The following SNED1 variants were observed in gnomAD, a reference collection of about 807,000 sequenced individuals.
SNED1 encodes sushi, nidogen and EGF-like domain-containing protein 1.
In SNED1, 81 loss-of-function variants were observed where a neutral mutation model predicts 166.7. That is an observed-to-expected ratio of 0.49 (90% CI 0.41 to 0.58). The LOEUF (loss-of-function observed/expected upper bound fraction) is 0.58. SNED1 is among the 20% of genes least tolerant of loss of function. The probability of loss-of-function intolerance (pLI) is 0.00; values close to 1 mark genes in which losing one functional copy is unlikely to be tolerated. For synonymous variants in SNED1, 762 were observed against 822.0 expected, an observed-to-expected ratio of 0.93 and a Z score of 1.25; for missense variants, 1,604 against 2,000.2, an observed-to-expected ratio of 0.80 and a Z score of 3.78.
At chr2:241,009,837 C>T (rs189996486) in intron 1 of SNED1, among the ~76,000 whole-genome samples, 170 of 152,204 alleles carry the variant, frequency 1.1e-3, no homozygotes, top group Middle Eastern at 6.8e-3. Context: ...TGTGTTTCCC[C>T]GGAGGCCTAG....
At chr2:241,003,042 G>A (rs1678227781) in intron 1 of SNED1, among the ~76,000 whole-genome samples, 1 of 151,954 alleles carries the variant, frequency 6.6e-6, no homozygotes, top group Non-Finnish European at 1.5e-5. Flanking sequence ...AGTGACCAAG[G>A]GAGCCATACA....
intron 30 of SNED1, chr2:241,088,156 C>G (rs1343237481): frequency 3.6e-6 from 2 of 556,590 alleles, no homozygotes; most frequent in Non-Finnish European, 6.4e-6. Flanking sequence ...CTAGCCTTGT[C>G]ATTCCTAAAC....
intron 8 of SNED1, among the ~76,000 whole-genome samples, chr2:241,047,434 T>C (rs1327627522): frequency 1.3e-5 from 2 of 152,164 alleles, no homozygotes; most frequent in African/African-American, 4.8e-5. Flanking sequence ...CAGTGGTTCA[T>C]AGAACATGTA....
At chr2:241,007,341 G>A (rs1252258838) in intron 1 of SNED1, among the ~76,000 whole-genome samples, 2 of 152,228 alleles carry the variant, frequency 1.3e-5, no homozygotes, top group Non-Finnish European at 2.9e-5. Context: ...GAAACTTGGT[G>A]CATTCATTCA....
In SNED1 at chr2:241,067,797, A is replaced by T; in HGVS notation, c.3044A>T (p.Asn1015Ile). Residue 1015 changes from asparagine (N) to isoleucine (I), a missense_variant, in exon 22 of 32, where the codon AAT (asparagine) becomes ATT (isoleucine). Asn to Ile is a moderately radical substitution (Grantham distance 149). Coordinates refer to ENST00000310397, the MANE Select transcript of SNED1 (RefSeq NM_001080437.3). ...CCTGTGGAAGGCTTCGAGGTCACCAATGTGACGGCTAGCACCATCTCAGTG... is the reference window on the plus strand; with the variant it reads ...CCTGTGGAAGGCTTCGAGGTCACCATTGTGACGGCTAGCACCATCTCAGTG... ...PRPVEGFEVT[N>I]VTASTISVQW... 1 of 1,611,996 alleles carries T rather than the reference A, an allele frequency of 6.2e-7. No individual in the cohort carries two copies. The highest frequency in any genetic ancestry group is 1.3e-5 in the African/African-American group (1 of 74,994).
intron 27 of SNED1, among the ~76,000 whole-genome samples, chr2:241,079,714 TATC>T (rs950691746): frequency 6.6e-6 from 1 of 152,172 alleles, no homozygotes; most frequent in Non-Finnish European, 1.5e-5. Context: ...TAAACCTAGT[TATC>T]ATGTGGATGG....
At position 241,069,840 on chromosome 2, in the gene SNED1, A is replaced by C. The variant is rs540760671; in HGVS notation, c.3308-80A>C. The C allele has an allele frequency of 6.6e-7, 1 of 1,507,848 alleles. No homozygotes were observed. 93.4% of individuals were successfully genotyped at this position (1,507,848 alleles called of 1,614,324 possible). On this transcript the variant is annotated intron_variant, in intron 23 of 31. Coordinates refer to ENST00000310397, the MANE Select transcript of SNED1 (RefSeq NM_001080437.3). The surrounding 1 kb of genome is among the most constrained non-coding windows in gnomAD (Gnocchi z 4.9). The stretch of plus-strand genomic sequence containing the variant: ...GCTTCCAGCAAGGCTGCGGCAGCCC[A>C]TGTCCGGTTCTCAAACCGTGTTCTT...
chr2:241,035,600 C>A (rs1010729792), intron 4 of SNED1: 2 of 152,338 alleles, frequency 1.3e-5, no homozygotes, highest in Non-Finnish European at 1.5e-5. Context: ...CGCCTCCCAG[C>A]CGCGAGCATC....
At position 240,998,963 on chromosome 2, in the gene SNED1, C is replaced by T; in HGVS notation, c.126C>T (p.Val42=). 3.8e-6 allele frequency: 5 copies of T among 1,310,182 alleles called. No homozygotes were observed. Among genetic ancestry groups the T allele is most frequent in the East Asian group, 3.3e-5 (1 of 30,102 alleles). 81.2% of individuals were successfully genotyped at this position (1,310,182 alleles called of 1,614,324 possible). ...YPFGAERGDA[V]TPKQDDGGSG... is the part of the protein sequence containing the mutation. ...TCGGCGCCGAGCGCGGCGACGCCGTCACCCCCAAGCAGGACGACGGCGGCT... is the reference window on the plus strand; with the variant it reads ...TCGGCGCCGAGCGCGGCGACGCCGTTACCCCCAAGCAGGACGACGGCGGCT... Residue 42 remains valine (V), a synonymous_variant, in exon 1 of 32, where the codon GTC becomes GTT. Coordinates refer to ENST00000310397, the MANE Select transcript of SNED1 (RefSeq NM_001080437.3).
At position 241,064,123 on chromosome 2, in the gene SNED1, C is replaced by G. The variant is rs1001844683; in HGVS notation, c.2597C>G (p.Thr866Arg). ...AGCTTCTTCGGCTACCACTGCGAGA[C>G]AGGTAGGGCGGCAGGCCTGCCTGCT... Reference protein sequence around the residue: ...PESFFGYHCETVSDPCFSSPC... With the variant: ...PESFFGYHCERVSDPCFSSPC... The change falls in exon 19 of 32, where the codon ACA (threonine) becomes AGA (arginine). Residue 866 changes from threonine (T) to arginine (R), a missense_variant and splice_region_variant. Thr to Arg is a moderately conservative substitution (Grantham distance 71, BLOSUM62 -1). This residue lies in a region of SNED1 where 1,237 missense variants were observed against 1,620.8 expected (regional missense o/e 0.76). Coordinates refer to ENST00000310397, the MANE Select transcript of SNED1 (RefSeq NM_001080437.3). The surrounding 1 kb of genome is among the most constrained non-coding windows in gnomAD (Gnocchi z 7.0). 1 of 1,552,356 alleles carries G rather than the reference C, an allele frequency of 6.4e-7. No homozygotes were observed.
chr2:241,023,193 A>G (rs2060821155), intron 1 of SNED1, among the ~76,000 whole-genome samples: 1 of 152,008 alleles, frequency 6.6e-6, no homozygotes, highest in Non-Finnish European at 1.5e-5. Context: ...TTTACTATAT[A>G]TAGATACTAA....
rs139009860 is a variant in SNED1 at position 241,031,015 on chromosome 2, C to T, written c.501+444C>T. Among the ~76,000 whole-genome samples, 922 of 152,294 alleles carry T rather than the reference C, an allele frequency of 6.1e-3. 10 individuals are homozygous for T. Among genetic ancestry groups the T allele is most frequent in the African/African-American group, 0.021 (877 of 41,550 alleles). ...CCCTAACGAGGACACCTGCCCACTC[C>T]GGTGGCAGATGTATTTACTCAGCAC... On this transcript the variant is annotated intron_variant, in intron 2 of 31. Transcript: ENST00000310397.
At chr2:241,019,249 G>C (rs2060694662) in intron 1 of SNED1, among the ~76,000 whole-genome samples, 1 of 152,140 alleles carries the variant, frequency 6.6e-6, no homozygotes, top group South Asian at 2.1e-4. Flanking sequence ...GTTGATTCTT[G>C]AGGAGGCTGA....
At chr2:241,088,936 C>G (rs1196234993) in intron 31 of SNED1, 1 of 214,616 alleles carries the variant, frequency 4.7e-6, no homozygotes, top group Non-Finnish European at 9.2e-6. Flanking sequence ...TGTTGAAGAC[C>G]GCCGCTAGAA....
At chr2:241,048,848 C>T (rs1449763425) in intron 10 of SNED1, 82 bp downstream of exon 10, 3 of 1,299,690 alleles carry the variant, frequency 2.3e-6, no homozygotes, top group Non-Finnish European at 3.3e-6. Context: ...GGCCGGGGTC[C>T]GTAGGTCCAG....
Position 241,067,842 on chromosome 2 carries a change from T to C in SNED1, c.3089T>C (p.Ile1030Thr), listed in dbSNP as rs1575043408. Residue 1030 changes from isoleucine to threonine, a missense_variant, in exon 22 of 32, where the codon ATC (isoleucine) becomes ACC (threonine). By Grantham distance (89) the Ile-to-Thr change is moderately conservative. Coordinates refer to ENST00000310397, the MANE Select transcript of SNED1 (RefSeq NM_001080437.3). ...TCAGTGCAGTGGGCCCTGCACAGGA[T>C]CCGCCATGCCACCGTCAGTGGGGTC... ...TISVQWALHR[I>T]RHATVSGVRV... The C allele has an allele frequency of 6.2e-7, 1 of 1,613,342 alleles. No individual in the cohort carries two copies. The highest frequency in any genetic ancestry group is 8.5e-7 in the Non-Finnish European group (1 of 1,179,804).
intron 16 of SNED1, among the ~76,000 whole-genome samples, chr2:241,056,436 G>T (rs1045740375): frequency 1.3e-5 from 2 of 150,756 alleles, no homozygotes; most frequent in African/African-American, 4.9e-5. Context: ...AATTGGATAG[G>T]CTTAACAAAA....
At chr2:241,049,776 C>A in intron 11 of SNED1, 41 bp from the exon 12 acceptor site, 2 of 1,495,786 alleles carry the variant, frequency 1.3e-6, no homozygotes, top group Non-Finnish European at 1.9e-6. Context: ...CGCACAGATG[C>A]GGCGTAAGCT....
chr2:241,071,558 C>T lies in SNED1; in HGVS notation c.3590-18C>T. 6.4e-7 allele frequency: 1 copy of T among 1,573,050 alleles called. No homozygotes were observed. The highest frequency in any genetic ancestry group is 8.6e-7 in the Non-Finnish European group (1 of 1,167,384). Reference sequence around the variant, plus strand: ...AGGGCAGCCCCAGACCAGCCCCTTCCTCCTGCCTGCTCTGCAGCCCCCAGG... The same window carrying T: ...AGGGCAGCCCCAGACCAGCCCCTTCTTCCTGCCTGCTCTGCAGCCCCCAGG... On this transcript the variant is annotated intron_variant, in intron 24 of 31. Transcript: ENST00000310397.
Sources: gnomAD v4.1 joint callset for allele counts (sites outside exome capture counted in the v4.1 genomes callset) on GRCh38, gnomAD v4.1.1 for gene constraint, gnomAD v4.1.1 regional missense constraint, Gnocchi (gnomAD v3.1) non-coding constraint, MANE v1.5 for transcripts, NCBI Gene and HGNC (gene_info 2026-07-23, HGNC 2026-07-21) for gene names.